PIEZO2: variants seen among roughly 807,000 people sequenced by gnomAD.
PIEZO2 encodes the protein piezo type mechanosensitive ion channel component 2.
A neutral mutation model predicts 337.3 loss-of-function variants in PIEZO2; 172 were observed. The observed-to-expected ratio is 0.51, with a 90% CI of 0.45 to 0.58. The LOEUF (loss-of-function observed/expected upper bound fraction) is 0.58. Among genes scored for constraint, PIEZO2 ranks in the 20% least tolerant of loss-of-function variants. PIEZO2 has a pLI of 0.00. For synonymous variants in PIEZO2, 1,251 were observed against 1,228.5 expected (o/e 1.02, Z -0.38); for missense variants, 3,028 against 3,391.3 (o/e 0.89, Z 2.66).
intron 8 of PIEZO2, 62 bp from the exon 9 acceptor site, chr18:10,804,056 G>A: frequency 6.6e-7 from 1 of 1,512,434 alleles, no homozygotes; most frequent in Non-Finnish European, 8.8e-7. Flanking sequence ...AGCCTGGGTG[G>A]CCAAGACAGA....
chr18:11,052,082 A>G (rs994797775), intron 2 of PIEZO2, among the ~76,000 whole-genome samples: 3 of 150,076 alleles, frequency 2.0e-5, no homozygotes, highest in Non-Finnish European at 4.4e-5. Flanking sequence ...TAGCTTCATA[A>G]TTTTTTTTTT....
chr18:10,748,376 G>A lies in PIEZO2; in HGVS notation c.4424+95C>T. On this transcript the variant is annotated intron_variant, in intron 30 of 55. Coordinates refer to ENST00000674853, the MANE Select transcript of PIEZO2 (RefSeq NM_001378183.1). This position sits in a 1 kb window ranked among gnomAD's most constrained non-coding sequence, Gnocchi z 5.1. ...TGGAAGGGATTTCTTAACTTCTTGT[G>A]GGTTCTAGAAGCAAGCTCAGACAGA... 8.1e-7 allele frequency: 1 copy of A among 1,241,630 alleles called. No homozygotes were observed. The highest frequency in any genetic ancestry group is 1.4e-5 in the South Asian group (1 of 69,404). The allele number at this position is 1,241,630 out of a possible 1,614,324, so 76.9% of individuals were successfully genotyped here.
Position 10,837,403 on chromosome 18 carries a change from G to A in PIEZO2, c.917+17950C>T, listed in dbSNP as rs1327075051. ...TGCCTCTCTCACCTTCCATACCACA[G>A]TGCTGATCCAGGTACCTGTAGAGTG... On this transcript the variant is annotated intron_variant, in intron 7 of 55. Coordinates refer to ENST00000674853, the MANE Select transcript of PIEZO2 (RefSeq NM_001378183.1). This position sits in a 1 kb window ranked among gnomAD's most constrained non-coding sequence, Gnocchi z 4.4. Among the ~76,000 whole-genome samples, 2 of 152,170 alleles carry A rather than the reference G, an allele frequency of 1.3e-5. No individual in the cohort carries two copies. The highest frequency in any genetic ancestry group is 2.9e-5 in the Non-Finnish European group (2 of 68,032).
At chr18:11,051,881 T>C (rs1004009061) in intron 2 of PIEZO2, among the ~76,000 whole-genome samples, 1 of 152,216 alleles carries the variant, frequency 6.6e-6, no homozygotes, top group Non-Finnish European at 1.5e-5. Context: ...ATGCCAGCTT[T>C]GTGGGTAGGA....
chr18:10,701,256 C>A (rs2143736181), intron 43 of PIEZO2, among the ~76,000 whole-genome samples: 1 of 152,330 alleles, frequency 6.6e-6, no homozygotes, highest in South Asian at 2.1e-4. Flanking sequence ...GCAATAATTT[C>A]TATTTATTAG....
In PIEZO2 at chr18:10,862,906, T is replaced by C. The variant is rs1015683217; in HGVS notation, c.493-5695A>G. The stretch of plus-strand genomic sequence containing the variant: ...CTAGCAGACTCCCTTATTTGGAAAA[T>C]AGATTGAAATAAATTATCTCTGGAA... On this transcript the variant is annotated intron_variant, in intron 5 of 55. Transcript: ENST00000674853. The surrounding 1 kb of genome is among the most constrained non-coding windows in gnomAD (Gnocchi z 4.4). Among the ~76,000 whole-genome samples, 6 of 152,194 alleles carry C rather than the reference T, an allele frequency of 3.9e-5. No individual in the cohort carries two copies. Among genetic ancestry groups the C allele is most frequent in the African/African-American group, 1.2e-4 (5 of 41,464 alleles).
chr18:10,774,304 A>G (rs2038710851), intron 18 of PIEZO2, among the ~76,000 whole-genome samples: 1 of 152,214 alleles, frequency 6.6e-6, no homozygotes. Flanking sequence ...GCTGAGGCAA[A>G]TTATATCATG....
chr18:10,806,882 G>A (rs774072613), intron 8 of PIEZO2, among the ~76,000 whole-genome samples: 2 of 152,118 alleles, frequency 1.3e-5, no homozygotes. Context: ...TCTTCTCACT[G>A]CCTGCCATTC....
chr18:11,140,570 G>A (rs1010506883), intron 1 of PIEZO2, among the ~76,000 whole-genome samples: 17 of 152,118 alleles, frequency 1.1e-4, no homozygotes, highest in African/African-American at 4.1e-4. Flanking sequence ...ATCTTTAGAT[G>A]CTTAGGGACT....
At chr18:10,826,911 T>C (rs545622461) in intron 7 of PIEZO2, among the ~76,000 whole-genome samples, 1 of 152,312 alleles carries the variant, frequency 6.6e-6, no homozygotes, top group East Asian at 1.9e-4. Flanking sequence ...CTGTTTGCCA[T>C]CTCTTTATTC....
chr18:10,754,384 AC>A (rs558066306), intron 27 of PIEZO2, among the ~76,000 whole-genome samples: 5 of 152,302 alleles, frequency 3.3e-5, no homozygotes, highest in African/African-American at 1.2e-4. Flanking sequence ...TGTGCTTCTG[AC>A]CAGCAAGCAT....
At chr18:10,992,189 A>C (rs886312422) in intron 2 of PIEZO2, among the ~76,000 whole-genome samples, 19 of 151,962 alleles carry the variant, frequency 1.3e-4, no homozygotes, top group African/African-American at 4.6e-4. Context: ...TTGCCTGTTC[A>C]CTCTGATGAT....
At chr18:11,058,839 A>G (rs2037827225) in intron 2 of PIEZO2, among the ~76,000 whole-genome samples, 1 of 152,226 alleles carries the variant, frequency 6.6e-6, no homozygotes, top group African/African-American at 2.4e-5. Flanking sequence ...TCTGCAGGAT[A>G]TTATACAGAA....
At chr18:10,700,518 G>T (rs568419909) in intron 43 of PIEZO2, among the ~76,000 whole-genome samples, 4 of 151,778 alleles carry the variant, frequency 2.6e-5, no homozygotes, top group African/African-American at 7.3e-5. Flanking sequence ...GAAACACCAA[G>T]ATTTTATTAT....
At chr18:11,079,507 C>T (rs2038663571) in intron 1 of PIEZO2, among the ~76,000 whole-genome samples, 1 of 152,194 alleles carries the variant, frequency 6.6e-6, no homozygotes, top group Non-Finnish European at 1.5e-5. Context: ...CCAAACTCCC[C>T]TATTAGTGAT....
Position 10,795,341 on chromosome 18 carries a change from A to C in PIEZO2, c.1528-339T>G. Among the ~76,000 whole-genome samples, 1 of 22,050 alleles carries C rather than the reference A, an allele frequency of 4.5e-5. No individual in the cohort carries two copies. The highest frequency in any genetic ancestry group is 5.8e-4 in the Admixed American group (1 of 1,712). 14.5% of individuals were successfully genotyped at this position (22,050 alleles called of 152,430 possible). ...ATTTTATTTTATTTTATTTTATTTTATTTTATTTTATTATTTTATTTTATT... is the reference window on the plus strand; with the variant it reads ...ATTTTATTTTATTTTATTTTATTTTCTTTTATTTTATTATTTTATTTTATT... On this transcript the variant is annotated intron_variant, in intron 12 of 55. Transcript: ENST00000674853. This position sits in a 1 kb window ranked among gnomAD's most constrained non-coding sequence, Gnocchi z 4.4.
At chr18:10,871,209 G>A (rs1307390290) in intron 5 of PIEZO2, 44 bp downstream of exon 5, 3 of 1,506,052 alleles carry the variant, frequency 2.0e-6, no homozygotes, top group African/African-American at 2.8e-5. Flanking sequence ...AAGGGTCAAG[G>A]TCCTCAGAAA....
At chr18:10,911,936 C>T (rs1024556954) in intron 3 of PIEZO2, among the ~76,000 whole-genome samples, 33 of 152,098 alleles carry the variant, frequency 2.2e-4, no homozygotes, top group Admixed American at 5.9e-4. Flanking sequence ...AACAGCTGTA[C>T]GTTCTAAAAT....
At chr18:11,049,952 G>C (rs890743375) in intron 2 of PIEZO2, among the ~76,000 whole-genome samples, 1 of 152,122 alleles carries the variant, frequency 6.6e-6, no homozygotes, top group Non-Finnish European at 1.5e-5. Flanking sequence ...AAAGCAAAAA[G>C]CTTGGGGCTT....
Sources: gnomAD v4.1 joint callset for allele counts (sites outside exome capture counted in the v4.1 genomes callset) on GRCh38, gnomAD v4.1.1 for gene constraint, Gnocchi (gnomAD v3.1) non-coding constraint, MANE v1.5 for transcripts, NCBI Gene and HGNC (gene_info 2026-07-23, HGNC 2026-07-21) for gene names.